IGFL2: variants seen among roughly 807,000 people sequenced by gnomAD.
IGFL2 encodes insulin growth factor-like family member 2.
Under a neutral mutation model 13.9 loss-of-function variants are expected in IGFL2, and 7 were observed. That is an observed-to-expected ratio of 0.51 (90% CI 0.29 to 0.95). IGFL2 has a LOEUF of 0.95. Ranked by LOEUF, IGFL2 falls within the 40% of genes least tolerant of loss-of-function variation. The pLI is 0.08. For missense variants in IGFL2, 138 were observed against 147.8 expected (o/e 0.93, Z 0.34); for synonymous variants, 55 against 55.8 (o/e 0.99, Z 0.07).
upstream of IGFL2, among the ~76,000 whole-genome samples, chr19:46,143,680 G>A (rs184780629): frequency 2.6e-5 from 4 of 152,300 alleles, no homozygotes; most frequent in Admixed American, 2.6e-4. Flanking sequence ...AGATGGTATT[G>A]TTGGTAATAA....
At chr19:46,190,185 G>A in the IGFL2 span, 1 of 152,216 alleles carries the variant, frequency 6.6e-6, no homozygotes, top group Admixed American at 6.5e-5. Flanking sequence ...CTGTTGATCT[G>A]GGCCAGGCTC....
At chr19:46,180,241 C>T in the IGFL2 span, among the ~76,000 whole-genome samples, 2 of 150,114 alleles carry the variant, frequency 1.3e-5, no homozygotes, top group Admixed American at 1.3e-4. Context: ...TGCAGTGGCA[C>T]GATCTCAGCT....
intron 1 of IGFL2, among the ~76,000 whole-genome samples, chr19:46,149,418 C>T (rs1186912175): frequency 2.7e-5 from 4 of 148,842 alleles, no homozygotes; most frequent in African/African-American, 9.9e-5. Context: ...TCTCTTCCTT[C>T]CTCTCTCAAG....
the IGFL2 span, among the ~76,000 whole-genome samples, chr19:46,110,668 C>G: frequency 6.6e-6 from 1 of 152,058 alleles, no homozygotes; most frequent in Non-Finnish European, 1.5e-5. Context: ...AAAAGTTGTT[C>G]AATGTTTACT....
the IGFL2 span, among the ~76,000 whole-genome samples, chr19:46,080,827 C>A: frequency 2.6e-5 from 4 of 152,242 alleles, no homozygotes; most frequent in Non-Finnish European, 5.9e-5. Flanking sequence ...CCTTGATGTC[C>A]AGGGCTGACT....
downstream of IGFL2, among the ~76,000 whole-genome samples, chr19:46,161,940 G>A (rs918244266): frequency 1.3e-5 from 2 of 152,188 alleles, no homozygotes; most frequent in Non-Finnish European, 2.9e-5. Flanking sequence ...GTGTGTTTTT[G>A]TATTAGCTGG....
At chr19:46,174,089 T>C in the IGFL2 span, 1 of 152,152 alleles carries the variant, frequency 6.6e-6, no homozygotes, top group Admixed American at 6.6e-5. Context: ...GATGAGCAGG[T>C]AGCACCCCTG....
chr19:46,199,067 G>T, the IGFL2 span, among the ~76,000 whole-genome samples: 1 of 152,168 alleles, frequency 6.6e-6, no homozygotes, highest in African/African-American at 2.4e-5. Context: ...CTCATCCAGG[G>T]ATATCTGTGA....
chr19:46,101,976 A>G, the IGFL2 span, among the ~76,000 whole-genome samples: 99 of 152,386 alleles, frequency 6.5e-4, 1 homozygote, highest in African/African-American at 2.3e-3. Context: ...GACACATCCC[A>G]AGGGCAGTAA....
chr19:46,192,401 A>G, the IGFL2 span, among the ~76,000 whole-genome samples: 3 of 151,790 alleles, frequency 2.0e-5, no homozygotes, highest in Non-Finnish European at 4.4e-5. Flanking sequence ...TTATAACTTT[A>G]CATAAATGCC....
chr19:46,196,148 A>G, the IGFL2 span: 650 of 159,504 alleles, frequency 4.1e-3, 3 homozygotes, highest in Non-Finnish European at 5.4e-3. Context: ...GCATCCCACG[A>G]TATCACCAGC....
the IGFL2 span, among the ~76,000 whole-genome samples, chr19:46,080,587 G>T: frequency 6.6e-6 from 1 of 152,156 alleles, no homozygotes; most frequent in African/African-American, 2.4e-5. Context: ...ATGAGTTAAA[G>T]AAATAACTTT....
the IGFL2 span, among the ~76,000 whole-genome samples, chr19:46,094,655 G>A: frequency 6.6e-6 from 1 of 152,036 alleles, no homozygotes; most frequent in Non-Finnish European, 1.5e-5. Flanking sequence ...GCATGCGTTA[G>A]CTATTTATCC....
At chr19:46,098,328 G>C in the IGFL2 span, among the ~76,000 whole-genome samples, 4 of 152,032 alleles carry the variant, frequency 2.6e-5, no homozygotes, top group Admixed American at 6.6e-5. Context: ...TGCAACCCCT[G>C]CTTTTTCCTG....
chr19:46,105,486 G>A, the IGFL2 span, among the ~76,000 whole-genome samples: 2,015 of 152,276 alleles, frequency 0.013, 30 homozygotes, highest in Middle Eastern at 0.027. Context: ...GAAATATGGG[G>A]AAATGGAGTG....
the IGFL2 span, among the ~76,000 whole-genome samples, chr19:46,182,061 G>C: frequency 1.6e-3 from 248 of 152,080 alleles, 1 homozygote; most frequent in African/African-American, 5.3e-3. Flanking sequence ...TTTTTGAATG[G>C]TATTTTCAGT....
At chr19:46,148,423 C>T (rs985780937) in intron 1 of IGFL2, 126 bp downstream of exon 1, 3 of 834,542 alleles carry the variant, frequency 3.6e-6, no homozygotes, top group Non-Finnish European at 6.0e-6. Flanking sequence ...TCACCCGTGT[C>T]CTCTCTGACT....
chr19:46,109,463 C>T, the IGFL2 span, among the ~76,000 whole-genome samples: 285 of 152,040 alleles, frequency 1.9e-3, 3 homozygotes, highest in Admixed American at 4.2e-3. Flanking sequence ...TACAGGTGCC[C>T]GCCACCACAC....
chr19:46,177,375 A>G, the IGFL2 span, among the ~76,000 whole-genome samples: 1 of 152,218 alleles, frequency 6.6e-6, no homozygotes, highest in East Asian at 1.9e-4. Flanking sequence ...CTTGGATGAT[A>G]GAGTGAGACT....
Sources: gnomAD v4.1 joint callset for allele counts (sites outside exome capture counted in the v4.1 genomes callset) on GRCh38, gnomAD v4.1.1 for gene constraint, MANE v1.5 for transcripts, NCBI Gene and HGNC (gene_info 2026-07-23, HGNC 2026-07-21) for gene names.